TPD52: variants seen among roughly 807,000 people sequenced by gnomAD.
The protein encoded by TPD52 is tumor protein D52, also known as prostate and colon associated protein.
In TPD52, 17 loss-of-function variants were observed where a neutral mutation model predicts 31.3. That is an observed-to-expected ratio of 0.54 (90% CI 0.37 to 0.82). The LOEUF (loss-of-function observed/expected upper bound fraction) is 0.82, where lower values mean the gene tolerates loss of function less well. TPD52 is among the 40% of genes least tolerant of loss of function. The pLI is 0.00. For synonymous variants in TPD52, 83 were observed against 89.6 expected (o/e 0.93, Z 0.42); for missense variants, 212 against 240.1 (o/e 0.88, Z 0.77).
intron 2 of TPD52, among the ~76,000 whole-genome samples, chr8:80,058,070 C>T (rs1431119040): frequency 6.6e-6 from 1 of 152,000 alleles, no homozygotes; most frequent in Non-Finnish European, 1.5e-5. Flanking sequence ...ACATTAGGTG[C>T]TATTACTATT....
At chr8:80,051,475 A>T in intron 4 of TPD52, 52 bp downstream of exon 4, 1 of 1,534,140 alleles carries the variant, frequency 6.5e-7, no homozygotes, top group Non-Finnish European at 9.0e-7. Flanking sequence ...AACAACAATA[A>T]CATTTTAATT....
chr8:80,084,528 G>A (rs78993155), intron 1 of TPD52, among the ~76,000 whole-genome samples: 5,411 of 152,310 alleles, frequency 0.036, 244 homozygotes, highest in African/African-American at 0.1. Flanking sequence ...GACAGAAGGA[G>A]AAACAGAAAC....
intron 1 of TPD52, among the ~76,000 whole-genome samples, chr8:80,132,981 G>A (rs1188960254): frequency 6.6e-6 from 1 of 152,154 alleles, no homozygotes. Flanking sequence ...TTCTCTATCA[G>A]TTCAGCCAGC....
In TPD52 at chr8:80,134,076, G is replaced by A. The variant is rs141582053; in HGVS notation, c.19+37349C>T. 4.8e-3 allele frequency among the ~76,000 whole-genome samples: 727 copies of A among 152,282 alleles called. 5 individuals carry two copies. The highest frequency in any genetic ancestry group is 0.016 in the African/African-American group (671 of 41,562). Reference sequence around the variant, plus strand: ...GGCAGACACGGTGATTCTAATCCACGGCCACAGCTTAGGAGCAGTAGTTAT... The same window carrying A: ...GGCAGACACGGTGATTCTAATCCACAGCCACAGCTTAGGAGCAGTAGTTAT... On this transcript the variant is annotated intron_variant, in intron 1 of 7. Coordinates refer to ENST00000518937, the MANE Select transcript of TPD52 (RefSeq NM_001025253.3).
chr8:80,046,947 G>C (rs1256560458), intron 5 of TPD52, among the ~76,000 whole-genome samples: 9 of 152,204 alleles, frequency 5.9e-5, no homozygotes, highest in African/African-American at 1.7e-4. Flanking sequence ...GGAAGTAGCA[G>C]CAGCGGGAGG....
At chr8:80,148,317 A>AGTGTGTGTGTGTGTGTGT (rs34231994) in intron 1 of TPD52, among the ~76,000 whole-genome samples, 1,985 of 143,952 alleles carry the variant, frequency 0.014, 59 homozygotes, top group African/African-American at 0.048. Flanking sequence ...TTCCTGGCTA[A>AGTGTGTGTGTGTGTGTGT]GTGTGTGTGT....
intron 1 of TPD52, among the ~76,000 whole-genome samples, chr8:80,128,494 CA>C (rs3053828): frequency 7.9e-4 from 66 of 83,126 alleles, no homozygotes; most frequent in African/African-American, 1.5e-3. Flanking sequence ...CCTGTCTCTA[CA>C]AAAAAAAAAA....
chr8:80,121,133 A>ATG (rs2131029126), intron 1 of TPD52, among the ~76,000 whole-genome samples: 1 of 152,178 alleles, frequency 6.6e-6, no homozygotes, highest in East Asian at 1.9e-4. Context: ...AAACTTATTT[A>ATG]TGTTGGTTTT....
intron 5 of TPD52, among the ~76,000 whole-genome samples, chr8:80,048,965 G>C (rs1164775422): frequency 6.6e-6 from 1 of 152,246 alleles, no homozygotes; most frequent in Non-Finnish European, 1.5e-5. Flanking sequence ...CTAGAAAACA[G>C]TTGCAAAACA....
chr8:80,042,717 A>T (rs771695891), intron 6 of TPD52, 49 bp from the exon 7 acceptor site: 73 of 1,535,346 alleles, frequency 4.8e-5, no homozygotes, highest in Non-Finnish European at 5.9e-5. Context: ...ACTGAAAAAA[A>T]ATCCAACTAG....
rs761407263 is a variant in TPD52 at position 80,053,363 on chromosome 8, T to C, written c.203A>G (p.Lys68Arg). 1.2e-6 allele frequency: 2 copies of C among 1,613,850 alleles called. No individual in the cohort carries two copies. The highest frequency in any genetic ancestry group is 1.7e-6 in the Non-Finnish European group (2 of 1,179,794). ...AAKEKHLAEIKRKLGINSLQE... is the reference protein window; with the variant it reads ...AAKEKHLAEIRRKLGINSLQE... ...TAGAGAATTGATTCCAAGTTTCCGC[T>C]TGATCTCTGCTAGATGCTTCTCTTT... The change falls in exon 3 of 8, where the codon AAG becomes AGG. Residue 68 changes from lysine to arginine, a missense_variant. Transcript: ENST00000518937.
chr8:80,058,500 A>T (rs1812143859), intron 2 of TPD52, among the ~76,000 whole-genome samples: 1 of 152,226 alleles, frequency 6.6e-6, no homozygotes, highest in Non-Finnish European at 1.5e-5. Flanking sequence ...TGCCCTCTAC[A>T]AATATAAAAA....
chr8:80,132,344 A>G (rs1346053934), intron 1 of TPD52, among the ~76,000 whole-genome samples: 1 of 152,118 alleles, frequency 6.6e-6, no homozygotes, highest in Non-Finnish European at 1.5e-5. Context: ...TTGGGTTTAC[A>G]ATATACCAGG....
chr8:80,109,565 C>G (rs28889055), intron 1 of TPD52, among the ~76,000 whole-genome samples: 4 of 151,822 alleles, frequency 2.6e-5, no homozygotes, highest in African/African-American at 9.7e-5. Flanking sequence ...TGCCACCATG[C>G]CTGGCTAATT....
downstream of TPD52, chr8:80,033,354 G>GT (rs1809742894): frequency 6.6e-6 from 1 of 151,912 alleles, no homozygotes; most frequent in African/African-American, 2.4e-5. Flanking sequence ...GTTTCAGCCC[G>GT]TTTGTGTTAC....
At chr8:80,067,867 T>C (rs1813332723) in intron 1 of TPD52, among the ~76,000 whole-genome samples, 1 of 151,922 alleles carries the variant, frequency 6.6e-6, no homozygotes, top group South Asian at 2.1e-4. Flanking sequence ...TTGCCTTATA[T>C]ATTCGTCTAG....
intron 1 of TPD52, among the ~76,000 whole-genome samples, chr8:80,091,961 A>G (rs182821186): frequency 6.6e-6 from 1 of 152,352 alleles, no homozygotes; most frequent in East Asian, 1.9e-4. Flanking sequence ...AGCACTTTCT[A>G]ACTATATACA....
chr8:80,168,628 C>T (rs1351170992), intron 1 of TPD52, among the ~76,000 whole-genome samples: 2 of 152,190 alleles, frequency 1.3e-5, no homozygotes, highest in East Asian at 1.9e-4. Context: ...CAGTTTAAGG[C>T]AGGAGTCTTG....
intron 2 of TPD52, among the ~76,000 whole-genome samples, chr8:80,062,715 C>T (rs896642114): frequency 1.3e-5 from 2 of 152,160 alleles, no homozygotes; most frequent in African/African-American, 2.4e-5. Context: ...GTAATCCCAG[C>T]ACTTTGGGAG....
Sources: allele counts gnomAD v4.1 joint callset (sites outside exome capture counted in the v4.1 genomes callset), GRCh38; gene constraint gnomAD v4.1.1; transcripts MANE v1.5; gene names NCBI Gene and HGNC (gene_info 2026-07-23, HGNC 2026-07-21).